Variants in SMG5 observed in about 807,000 individuals in gnomAD.
SMG5 encodes the protein nonsense-mediated mRNA decay factor SMG5.
In SMG5, 53 loss-of-function variants were observed where a neutral mutation model predicts 122.9. The ratio of observed to expected loss-of-function variants is 0.43; its 90% confidence interval spans 0.35 to 0.54. The LOEUF is 0.54. Ranked by LOEUF, SMG5 falls within the 20% of genes least tolerant of loss-of-function variation. The pLI is 0.01. For missense variants in SMG5, 1,153 were observed against 1,285.6 expected (o/e 0.90, Z 1.58); for synonymous variants, 477 against 490.2 (o/e 0.97, Z 0.35).
In SMG5 at chr1:156,268,154, T is replaced by C; in HGVS notation, c.869A>G (p.Asn290Ser). Residue 290 changes from asparagine to serine, a missense_variant, in exon 9 of 22, where the codon AAC becomes AGC. Transcript: ENST00000361813. ...RCKDIKRLLV[N>S]FMYLQSLLQP... ...TAGGAGGCTTTGCAGATACATAAAG[T>C]TCACTAGCAACCTTTTAATGTCTTT... The C allele has an allele frequency of 6.2e-7, 1 of 1,614,152 alleles. No homozygotes were observed. The highest frequency in any genetic ancestry group is 8.5e-7 in the Non-Finnish European group (1 of 1,180,026).
chr1:156,278,588 A>G (rs1662794949), intron 2 of SMG5, among the ~76,000 whole-genome samples: 1 of 152,058 alleles, frequency 6.6e-6, no homozygotes, highest in Admixed American at 6.5e-5. Flanking sequence ...TCTGGTCTCA[A>G]ACTCCTGGGC....
intron 7 of SMG5, among the ~76,000 whole-genome samples, chr1:156,270,980 C>A (rs1326671947): frequency 2.0e-5 from 3 of 151,056 alleles, no homozygotes; most frequent in Non-Finnish European, 2.9e-5. Flanking sequence ...GCACTCCAGC[C>A]TGGGCAACAA....
intron 1 of SMG5, among the ~76,000 whole-genome samples, chr1:156,281,255 G>A (rs528163249): frequency 1.3e-5 from 2 of 152,366 alleles, no homozygotes; most frequent in South Asian, 4.1e-4. Flanking sequence ...ATCAGCTTAG[G>A]TTAGTCCTGT....
the SMG5 span, among the ~76,000 whole-genome samples, chr1:156,287,869 C>T: frequency 1.3e-5 from 2 of 151,988 alleles, no homozygotes; most frequent in Non-Finnish European, 2.9e-5. Flanking sequence ...CTGCCCGCCT[C>T]AGCCTCCCAA....
In SMG5 at chr1:156,253,439, G is replaced by T; in HGVS notation, c.2502+10C>A. ...AGTGCAGAAGAAGCACTTGGGTCCT[G>T]ATTTCCTACCTGAAGTCGTAGCTGA... On this transcript the variant is annotated intron_variant, in intron 17 of 21. Transcript: ENST00000361813. 1 of 1,614,018 alleles carries T rather than the reference G, an allele frequency of 6.2e-7. No homozygotes were observed. The highest frequency in any genetic ancestry group is 1.1e-5 in the South Asian group (1 of 91,056).
the SMG5 span, among the ~76,000 whole-genome samples, chr1:156,289,900 G>A: frequency 3.3e-5 from 5 of 152,302 alleles, 1 homozygote; most frequent in African/African-American, 1.2e-4. Flanking sequence ...CCTCCTAGAG[G>A]TGGCTTCTTT....
chr1:156,260,110 C>T (rs963803739), intron 15 of SMG5, among the ~76,000 whole-genome samples: 3 of 152,244 alleles, frequency 2.0e-5, no homozygotes, highest in East Asian at 1.9e-4. Context: ...ATGTTCAGCT[C>T]GGAGCAGGCT....
intron 16 of SMG5, chr1:156,253,749 G>A (rs1043334245): frequency 1.6e-5 from 9 of 550,896 alleles, no homozygotes; most frequent in Non-Finnish European, 2.6e-5. Context: ...CAGGGGAGGG[G>A]AAGCAGACAG....
rs533660371 is a variant in SMG5 at position 156,265,965 on chromosome 1, G to T, written c.1671C>A (p.Gly557=). Reference sequence around the variant, plus strand: ...TGCTGGCAATGCTAGCCTCACTGGGGCCCAGTGGGCCATTGAGGGAATCGG... The same window carrying T: ...TGCTGGCAATGCTAGCCTCACTGGGTCCCAGTGGGCCATTGAGGGAATCGG... ...EAPDSLNGPL[G]PSEASIASNL... Residue 557 remains glycine, a synonymous_variant, in exon 12 of 22, where the codon GGC becomes GGA. Transcript: ENST00000361813. The T allele has an allele frequency of 1.2e-5, 20 of 1,614,196 alleles. No individual in the cohort carries two copies. The highest frequency in any genetic ancestry group is 1.7e-5 in the Non-Finnish European group (20 of 1,180,032).
At chr1:156,269,446 G>A (rs542137810) in intron 7 of SMG5, among the ~76,000 whole-genome samples, 1 of 152,246 alleles carries the variant, frequency 6.6e-6, no homozygotes, top group Middle Eastern at 3.4e-3. Context: ...AACACACACA[G>A]CCAGGTGCAG....
rs1661278326 is a variant in SMG5 at position 156,250,125 on chromosome 1, A to G, written c.*462T>C. 2.8e-6 allele frequency: 1 copy of G among 362,126 alleles called. No homozygotes were observed. The highest frequency in any genetic ancestry group is 2.1e-5 in the African/African-American group (1 of 46,816). 22.4% of individuals were successfully genotyped at this position (362,126 alleles called of 1,614,324 possible). A position where few individuals can be genotyped will look rare whatever the true frequency, so the allele number is the denominator to read the frequency against. ...TGAGGAGGGGAAGGGTCTGCAGAGA[A>G]TCACTCAGACACCAGGTATTACCCA... On this transcript the variant is annotated 3_prime_UTR_variant, in exon 22 of 22. Transcript: ENST00000361813.
chr1:156,265,087 G>A (rs1354338308), intron 12 of SMG5, among the ~76,000 whole-genome samples: 1 of 145,308 alleles, frequency 6.9e-6, no homozygotes, highest in Non-Finnish European at 1.5e-5. Context: ...GCCGGGCATG[G>A]TAGTGCATGC....
In SMG5 at chr1:156,263,524, G is replaced by A. The variant is rs776297053; in HGVS notation, c.1902C>T (p.Arg634=). ...SESEGSESSG[R]SCRNERSIQE... is the part of the protein sequence containing the mutation. The stretch of plus-strand genomic sequence containing the variant: ...GGATGCTGCGCTCATTCCGACAGGA[G>A]CGTCCACTGGACTCACTCCCCTCCG... The change falls in exon 13 of 22, where the codon CGC becomes CGT. Residue 634 remains arginine, a synonymous_variant. Transcript: ENST00000361813. 26 of 1,614,238 alleles carry A rather than the reference G, an allele frequency of 1.6e-5. No homozygotes were observed. Among genetic ancestry groups the A allele is most frequent in the Admixed American group, 5.0e-5 (3 of 60,014 alleles).
At chr1:156,271,566 G>T (rs1158461834) in intron 7 of SMG5, among the ~76,000 whole-genome samples, 4 of 82,288 alleles carry the variant, frequency 4.9e-5, no homozygotes, top group Non-Finnish European at 8.9e-5. Context: ...CCCTGAAGAG[G>T]TTTTTTTTTT....
At chr1:156,271,499 T>C (rs1174088546) in intron 7 of SMG5, among the ~76,000 whole-genome samples, 1 of 152,072 alleles carries the variant, frequency 6.6e-6, no homozygotes, top group Non-Finnish European at 1.5e-5. Flanking sequence ...TCATGTGCTC[T>C]TGGTTACAGC....
intron 12 of SMG5, among the ~76,000 whole-genome samples, chr1:156,265,035 ATACACAC>A (rs1662055341): frequency 1.8e-5 from 2 of 113,628 alleles, no homozygotes; most frequent in South Asian, 6.3e-4. Context: ...CAAAAAAAAA[ATACACAC>A]ACACACACAC....
chr1:156,272,442 A>G, intron 6 of SMG5, 44 bp from the exon 7 acceptor site: 1 of 1,524,372 alleles, frequency 6.6e-7, no homozygotes, highest in Non-Finnish European at 9.0e-7. Context: ...CACAATACTC[A>G]TTCAAAGCTG....
chr1:156,270,675 A>C (rs556832203), intron 7 of SMG5, among the ~76,000 whole-genome samples: 1 of 152,208 alleles, frequency 6.6e-6, no homozygotes, highest in African/African-American at 2.4e-5. Context: ...GACTCAGGAC[A>C]AGTAAAGGGG....
In SMG5 at chr1:156,266,622, C is replaced by A. The variant is rs759605100; in HGVS notation, c.1174G>T (p.Val392Phe). 1 of 1,614,080 alleles carries A rather than the reference C, an allele frequency of 6.2e-7. No individual in the cohort carries two copies. The highest frequency in any genetic ancestry group is 1.1e-5 in the South Asian group (1 of 91,080). The change falls in exon 11 of 22, where the codon GTC becomes TTC. Residue 392 changes from valine to phenylalanine, a missense_variant. By Grantham distance (50) the Val-to-Phe change is conservative. Transcript: ENST00000361813. Reference protein sequence around the residue: ...AFTLALFSHLVNHVNIRLQAE... With the variant: ...AFTLALFSHLFNHVNIRLQAE... The stretch of plus-strand genomic sequence containing the variant: ...TGCAGCCGTATGTTGACATGATTGA[C>A]GAGGTGGGAAAAGAGGGCCAGGGTG...
Sources: allele counts gnomAD v4.1 joint callset (sites outside exome capture counted in the v4.1 genomes callset), GRCh38; gene constraint gnomAD v4.1.1; transcripts MANE v1.5; gene names NCBI Gene and HGNC (gene_info 2026-07-23, HGNC 2026-07-21).